The following EME1 variants were observed in gnomAD, a reference collection of about 807,000 sequenced individuals.
EME1 encodes structure-specific endonuclease subunit EME1.
Under a neutral mutation model 59.1 loss-of-function variants are expected in EME1, and 61 were observed. The observed-to-expected ratio is 1.03, with a 90% CI of 0.84 to 1.28. The LOEUF (loss-of-function observed/expected upper bound fraction) is 1.28, where lower values mean the gene tolerates loss of function less well. Among genes scored for constraint, EME1 ranks in the 50% most tolerant of loss-of-function variants. The pLI is 0.00. For synonymous variants in EME1, 230 were observed against 254.2 expected, an observed-to-expected ratio of 0.90 and a Z score of 0.90; for missense variants, 635 against 682.6, an observed-to-expected ratio of 0.93 and a Z score of 0.78.
Position 50,375,650 on chromosome 17 carries a change from C to T in EME1, c.442C>T (p.His148Tyr). 2 of 1,614,142 alleles carry T rather than the reference C, an allele frequency of 1.2e-6. No individual in the cohort carries two copies. The highest frequency in any genetic ancestry group is 1.7e-6 in the Non-Finnish European group (2 of 1,180,026). The part of the protein sequence containing the change: ...PFPKIPEVPL[H>Y]DTPERSAADN... ...TCCAAAGATCCCTGAAGTTCCCCTC[C>T]ATGATACCCCAGAGAGGAGTGCAGC... The change falls in exon 2 of 9, where the codon CAT becomes TAT. Residue 148 changes from histidine (H) to tyrosine (Y), a missense_variant. Physicochemically the swap from His to Tyr is moderately conservative, Grantham distance 83. Coordinates refer to ENST00000338165, the MANE Select transcript of EME1 (RefSeq NM_152463.4).
chr17:50,375,054 G>A, intron 1 of EME1, 131 bp from the exon 2 acceptor site: 3 of 668,960 alleles, frequency 4.5e-6, no homozygotes, highest in Non-Finnish European at 5.0e-6. Flanking sequence ...AATGTGTTGG[G>A]GCCATGTCAT....
rs1404760239 is a variant in EME1 at position 50,378,653 on chromosome 17, T to G, written c.962T>G (p.Phe321Cys). 1.9e-6 allele frequency: 3 copies of G among 1,613,998 alleles called. No homozygotes were observed. The highest frequency in any genetic ancestry group is 2.7e-5 in the African/African-American group (2 of 74,910). Residue 321 changes from phenylalanine (F) to cysteine (C), a missense_variant, in exon 4 of 9, where the codon TTT (phenylalanine) becomes TGT (cysteine). Transcript: ENST00000338165. ...TVLVLLRAEA[F>C]VSMIDNGKQG... is the part of the protein sequence containing the mutation. ...CTGGTGTTGCTCCGGGCAGAGGCAT[T>G]TGTGTCCATGATCGACAATGGAAAG...
chr17:50,379,176 A>G lies in EME1; in HGVS notation c.1182A>G (p.Gln394=). 6.2e-7 allele frequency: 1 copy of G among 1,614,202 alleles called. No individual in the cohort carries two copies. Among genetic ancestry groups the G allele is most frequent in the Non-Finnish European group, 8.5e-7 (1 of 1,180,030 alleles). ...NKQTKKQQQR[Q]PEASIGSMVS... ...AGACCAAGAAGCAGCAGCAGAGACA[A>G]CCAGAGGCCAGCATAGGGTCCATGG... is the stretch of plus-strand genomic sequence containing the variant. The change falls in exon 6 of 9, where the codon CAA becomes CAG. Residue 394 remains glutamine, a synonymous_variant. Transcript: ENST00000338165.
chr17:50,379,158 G>C lies in EME1; in HGVS notation c.1164G>C (p.Lys388Asn). 2 of 1,614,184 alleles carry C rather than the reference G, an allele frequency of 1.2e-6. No individual in the cohort carries two copies. The highest frequency in any genetic ancestry group is 1.7e-6 in the Non-Finnish European group (2 of 1,180,040). ...AACAGGGAGCAAATAAACAGACCAAGAAGCAGCAGCAGAGACAACCAGAGG... is the reference window on the plus strand; with the variant it reads ...AACAGGGAGCAAATAAACAGACCAACAAGCAGCAGCAGAGACAACCAGAGG... ...RGKQGANKQT[K>N]KQQQRQPEAS... Residue 388 changes from lysine (K) to asparagine (N), a missense_variant, in exon 6 of 9, where the codon AAG (lysine) becomes AAC (asparagine). By Grantham distance (94) the Lys-to-Asn change is moderately conservative. Coordinates refer to ENST00000338165, the MANE Select transcript of EME1 (RefSeq NM_152463.4).
rs1913651448 is a variant in EME1 at position 50,379,236 on chromosome 17, C to T, written c.1230+12C>T. On this transcript the variant is annotated intron_variant, in intron 6 of 8. Coordinates refer to ENST00000338165, the MANE Select transcript of EME1 (RefSeq NM_152463.4). ...TAGACGCTGAAGAGGTAAGAACGTC[C>T]TGTTGCCTGAATCGGGCTGGGTACT... The T allele has an allele frequency of 6.8e-6, 11 of 1,613,862 alleles. No homozygotes were observed. The highest frequency in any genetic ancestry group is 8.5e-6 in the Non-Finnish European group (10 of 1,179,914).
In EME1 at chr17:50,375,229, A is replaced by C. The variant is rs1238380848; in HGVS notation, c.21A>C (p.Ser7=). MALKKS[S]PSLDSGDSDS... ...TACTGATGGCTCTAAAGAAGTCATC[A>C]CCCTCACTGGATTCTGGTGATAGTG... Residue 7 remains serine (S), a synonymous_variant, in exon 2 of 9, where the codon TCA becomes TCC. Transcript: ENST00000338165. 6.2e-7 allele frequency: 1 copy of C among 1,614,086 alleles called. No individual in the cohort carries two copies. The highest frequency in any genetic ancestry group is 2.2e-5 in the East Asian group (1 of 44,892).
intron 1 of EME1, among the ~76,000 whole-genome samples, chr17:50,373,608 AT>A (rs1913275683): frequency 1.3e-5 from 2 of 152,228 alleles, no homozygotes; most frequent in African/African-American, 4.8e-5. Flanking sequence ...TGCTGTTACC[AT>A]CCCTGTTTTA....
chr17:50,373,453 T>A (rs369873290), intron 1 of EME1, among the ~76,000 whole-genome samples, 176 bp downstream of exon 1: 2 of 152,338 alleles, frequency 1.3e-5, no homozygotes, highest in South Asian at 2.1e-4. Flanking sequence ...TTTGCAGATG[T>A]CAACGGAGGC....
chr17:50,375,994 G>GC lies in EME1; in HGVS notation c.775+11_775+12insC. On this transcript the variant is annotated intron_variant, in intron 2 of 8. Transcript: ENST00000338165. ...TAGTGCTGGATCCAGGTCCTCACAT[G>GC]TGTCTTTGTCCTGTGCTGAGTTATC... 1 of 1,605,864 alleles carries GC rather than the reference G, an allele frequency of 6.2e-7. No individual in the cohort carries two copies. Among genetic ancestry groups the GC allele is most frequent in the Non-Finnish European group, 8.5e-7 (1 of 1,174,006 alleles).
intron 7 of EME1, 26 bp from the exon 8 acceptor site, chr17:50,380,286 A>C (rs1913733055): frequency 3.8e-6 from 6 of 1,573,742 alleles, no homozygotes; most frequent in Non-Finnish European, 5.2e-6. Flanking sequence ...TGAGCAACTT[A>C]CAGCTCTCCA....
At chr17:50,376,350 G>C (rs912100856) in intron 3 of EME1, among the ~76,000 whole-genome samples, 157 bp downstream of exon 3, 2 of 152,328 alleles carry the variant, frequency 1.3e-5, no homozygotes. Flanking sequence ...TAAAGGGACT[G>C]TTTGCCAAGG....
rs752059232 is a variant in EME1, at chr17:50,375,669, G to A, written c.461G>A (p.Ser154Asn). 6.8e-6 allele frequency: 11 copies of A among 1,614,122 alleles called. No homozygotes were observed. The South Asian group carries it at 1.1e-4, about 16-fold the overall frequency. The change falls in exon 2 of 9, where the codon AGT becomes AAT. Residue 154 changes from serine (S) to asparagine (N), a missense_variant. Transcript: ENST00000338165. ...CCCCTCCATGATACCCCAGAGAGGAGTGCAGCAGATAACAAGGACCTGATC... is the reference window on the plus strand; with the variant it reads ...CCCCTCCATGATACCCCAGAGAGGAATGCAGCAGATAACAAGGACCTGATC... The part of the protein sequence containing the change: ...EVPLHDTPER[S>N]AADNKDLILD...
chr17:50,379,296 TA>T (rs139962172), intron 6 of EME1, 72 bp downstream of exon 6: 22,196 of 1,604,368 alleles, frequency 0.014, 296 homozygotes, highest in African/African-American at 0.041. Flanking sequence ...TGATAGAGAA[TA>T]AAATGCCTGC....
chr17:50,375,220 G>A lies in EME1; in HGVS notation c.12G>A (p.Lys4=), dbSNP rs1913390883. MAL[K]KSSPSLDSGD... is the part of the protein sequence containing the mutation. ...GATAGCACATACTGATGGCTCTAAA[G>A]AAGTCATCACCCTCACTGGATTCTG... Residue 4 remains lysine (K), a synonymous_variant, in exon 2 of 9, where the codon AAG becomes AAA. Coordinates refer to ENST00000338165, the MANE Select transcript of EME1 (RefSeq NM_152463.4). 1 of 1,613,826 alleles carries A rather than the reference G, an allele frequency of 6.2e-7. No individual in the cohort carries two copies. Among genetic ancestry groups the A allele is most frequent in the South Asian group, 1.1e-5 (1 of 91,032 alleles).
Position 50,380,482 on chromosome 17 carries a change from C to T in EME1, c.1517C>T (p.Ser506Phe). The T allele has an allele frequency of 6.2e-7, 1 of 1,613,896 alleles. No homozygotes were observed. Among genetic ancestry groups the T allele is most frequent in the Non-Finnish European group, 8.5e-7 (1 of 1,180,036 alleles). ...MASAVVNAYP[S>F]PQLLVQAYQQ... ...AGTGCAGTTGTGAATGCCTATCCCT[C>T]CCCACAGCTCCTGGTACAGGTATGC... Residue 506 changes from serine to phenylalanine, a missense_variant, in exon 8 of 9, where the codon TCC becomes TTC. By Grantham distance (155) the Ser-to-Phe change is radical (BLOSUM62 -2). Coordinates refer to ENST00000338165, the MANE Select transcript of EME1 (RefSeq NM_152463.4).
chr17:50,381,447 T>C lies in EME1; in HGVS notation c.*508T>C, dbSNP rs1184041426. ...TATGTATTTAGTTTCAATAAAGCAT[T>C]TGTACCAATGGCTCTGGAGCTTGGA... On this transcript the variant is annotated 3_prime_UTR_variant, in exon 9 of 9. Coordinates refer to ENST00000338165, the MANE Select transcript of EME1 (RefSeq NM_152463.4). 3 of 159,556 alleles carry C rather than the reference T, an allele frequency of 1.9e-5. No individual in the cohort carries two copies. Among genetic ancestry groups the C allele is most frequent in the Non-Finnish European group, 2.8e-5 (2 of 71,792 alleles). 9.9% of individuals were successfully genotyped at this position (159,556 alleles called of 1,614,324 possible).
rs1567815473 is a variant in EME1 at position 50,376,048 on chromosome 17, C to G, written c.776-18C>G. 1 of 1,611,212 alleles carries G rather than the reference C, an allele frequency of 6.2e-7. No homozygotes were observed. ...GTTCTGGACCCCCCACTGACAGTCCCTTTTCCATCTGTTGCAGTGCTCTTA... is the reference window on the plus strand; with the variant it reads ...GTTCTGGACCCCCCACTGACAGTCCGTTTTCCATCTGTTGCAGTGCTCTTA... On this transcript the variant is annotated intron_variant, in intron 2 of 8. Transcript: ENST00000338165.
intron 7 of EME1, 130 bp from the exon 8 acceptor site, chr17:50,380,182 C>A: frequency 1.1e-6 from 1 of 923,240 alleles, no homozygotes; most frequent in South Asian, 1.8e-5. Context: ...GTCAAAGGCA[C>A]AAAAAGGCCA....
chr17:50,375,226 A>T lies in EME1; in HGVS notation c.18A>T (p.Ser6=), dbSNP rs1324167059. ...ACATACTGATGGCTCTAAAGAAGTC[A>T]TCACCCTCACTGGATTCTGGTGATA... is the stretch of plus-strand genomic sequence containing the variant. MALKK[S]SPSLDSGDSD... Residue 6 remains serine (S), a synonymous_variant, in exon 2 of 9, where the codon TCA becomes TCT. Transcript: ENST00000338165. 1.2e-6 allele frequency: 2 copies of T among 1,614,030 alleles called. No homozygotes were observed. The highest frequency in any genetic ancestry group is 1.7e-6 in the Non-Finnish European group (2 of 1,180,028).
Sources: gnomAD v4.1 joint callset for allele counts (sites outside exome capture counted in the v4.1 genomes callset) on GRCh38, gnomAD v4.1.1 for gene constraint, MANE v1.5 for transcripts, NCBI Gene and HGNC (gene_info 2026-07-23, HGNC 2026-07-21) for gene names.